The following RIC8B variants were observed in gnomAD, a reference collection of about 807,000 sequenced individuals.
RIC8B encodes the protein RIC8 guanine nucleotide exchange factor B, also known as chaperone Ric-8B.
A neutral mutation model predicts 57.5 loss-of-function variants in RIC8B; 16 were observed. That is an observed-to-expected ratio of 0.28 (90% CI 0.19 to 0.42). The LOEUF is 0.42. Among genes scored for constraint, RIC8B ranks in the 10% least tolerant of loss-of-function variants. RIC8B has a pLI of 1.00. For missense variants in RIC8B, 481 were observed against 677.0 expected, an observed-to-expected ratio of 0.71 and a Z score of 3.21; for synonymous variants, 216 against 250.8, an observed-to-expected ratio of 0.86 and a Z score of 1.31.
Position 106,774,943 on chromosome 12 carries a change from CG to C in RIC8B, c.84+115del, listed in dbSNP as rs1018330786. On this transcript the variant is annotated intron_variant, in intron 1 of 9. Coordinates refer to ENST00000392837, the MANE Select transcript of RIC8B (RefSeq NM_001330145.2). Reference sequence around the variant, plus strand: ...TCCGGGGATGCGCATTGCTCTCCCCCGAAAACGTTTCCGGCTTGGGCATGCG... The same window carrying C: ...TCCGGGGATGCGCATTGCTCTCCCCCAAAACGTTTCCGGCTTGGGCATGCG... 3 of 799,040 alleles carry C rather than the reference CG, an allele frequency of 3.8e-6. No homozygotes were observed. In the African/African-American group the frequency reaches 5.3e-5, roughly 14 times the overall value. 49.5% of individuals were successfully genotyped at this position (799,040 alleles called of 1,614,324 possible).
chr12:106,825,712 T>C lies in RIC8B; in HGVS notation c.742-14T>C. On this transcript the variant is annotated splice_polypyrimidine_tract_variant and intron_variant, in intron 3 of 9. Coordinates refer to ENST00000392837, the MANE Select transcript of RIC8B (RefSeq NM_001330145.2). The stretch of plus-strand genomic sequence containing the variant: ...TCAACCCCCAATGTTTCCTCTCTTT[T>C]TTATTTGCCATAGAGTGATTCTCAT... 4 of 1,606,408 alleles carry C rather than the reference T, an allele frequency of 2.5e-6. No individual in the cohort carries two copies. Among genetic ancestry groups the C allele is most frequent in the Non-Finnish European group, 3.4e-6 (4 of 1,173,154 alleles).
intron 2 of RIC8B, among the ~76,000 whole-genome samples, chr12:106,803,695 T>A (rs998452948): frequency 5.3e-5 from 8 of 152,234 alleles, no homozygotes; most frequent in Non-Finnish European, 7.3e-5. Flanking sequence ...TTTCACCAAC[T>A]CATAGTAAAG....
chr12:106,787,789 G>T (rs546810373), intron 2 of RIC8B, among the ~76,000 whole-genome samples: 2 of 152,142 alleles, frequency 1.3e-5, no homozygotes, highest in South Asian at 4.1e-4. Context: ...CCCACAGTGC[G>T]TGGGAATTAC....
chr12:106,808,253 A>C (rs573850950), intron 2 of RIC8B, among the ~76,000 whole-genome samples: 3 of 152,174 alleles, frequency 2.0e-5, no homozygotes, highest in African/African-American at 7.2e-5. Context: ...TGCAAAGGTT[A>C]TATGCAAGTA....
In RIC8B at chr12:106,860,279, C is replaced by A. The variant is rs1949876060; in HGVS notation, c.1318C>A (p.Leu440Met). Residue 440 changes from leucine (L) to methionine (M), a missense_variant, in exon 8 of 10, where the codon CTG becomes ATG. Physicochemically the swap from Leu to Met is conservative, Grantham distance 15. Transcript: ENST00000392837. ...VLCKERVDSL[L>M]KYTGYGNAAG... ...TTCTGTTTTTGCAGTGGATAGTCTG[C>A]TGAAATACACTGGCTATGGGAATGC... is the stretch of plus-strand genomic sequence containing the variant. The A allele has an allele frequency of 1.3e-6, 2 of 1,588,598 alleles. No homozygotes were observed. Among genetic ancestry groups the A allele is most frequent in the African/African-American group, 1.4e-5 (1 of 73,222 alleles).
At chr12:106,809,892 C>A (rs2045253700) in intron 2 of RIC8B, among the ~76,000 whole-genome samples, 2 of 151,934 alleles carry the variant, frequency 1.3e-5, no homozygotes, top group Non-Finnish European at 2.9e-5. Context: ...TTATTGGTAA[C>A]TGTAATTGAC....
Position 106,887,024 on chromosome 12 carries a change from C to G in RIC8B, c.*1009C>G, listed in dbSNP as rs1173189086. 6.6e-6 allele frequency: 1 copy of G among 152,384 alleles called. No individual in the cohort carries two copies. Among genetic ancestry groups the G allele is most frequent in the Non-Finnish European group, 1.5e-5 (1 of 67,968 alleles). 9.4% of individuals were successfully genotyped at this position (152,384 alleles called of 1,614,324 possible). A position where few individuals can be genotyped will look rare whatever the true frequency, so the allele number is the denominator to read the frequency against. On this transcript the variant is annotated 3_prime_UTR_variant, in exon 10 of 10. Coordinates refer to ENST00000392837, the MANE Select transcript of RIC8B (RefSeq NM_001330145.2). ...ACTTTATTTATTTAAAAAAAAGAAA[C>G]ACAATTAGTTACTGTTAAACTGATA...
chr12:106,870,746 C>T, intron 8 of RIC8B, 77 bp from the exon 9 acceptor site: 1 of 1,218,380 alleles, frequency 8.2e-7, no homozygotes, highest in Middle Eastern at 2.8e-4. Context: ...CTTATTATCA[C>T]TTAAAAGTTG....
Position 106,814,682 on chromosome 12 carries a change from TTC to T in RIC8B, c.133-12_133-11del, listed in dbSNP as rs755553124. ...CCAAATAATGATTTTTGCATACTCG[TTC>T]TTGTTTTTCAGAAACTCTGTGAAGG... On this transcript the variant is annotated splice_polypyrimidine_tract_variant and intron_variant, in intron 2 of 9. Transcript: ENST00000392837. 4.5e-6 allele frequency: 7 copies of T among 1,567,270 alleles called. No individual in the cohort carries two copies. Among genetic ancestry groups the T allele is most frequent in the Non-Finnish European group, 6.0e-6 (7 of 1,159,310 alleles).
At chr12:106,853,571 C>A (rs572984261) in intron 7 of RIC8B, among the ~76,000 whole-genome samples, 1 of 144,914 alleles carries the variant, frequency 6.9e-6, no homozygotes, top group Non-Finnish European at 1.5e-5. Context: ...CAGGTTGAAG[C>A]GATTCTCCTG....
Position 106,886,012 on chromosome 12 carries a change from C to A in RIC8B, c.1680C>A (p.Asp560Glu). 6.3e-7 allele frequency: 1 copy of A among 1,599,252 alleles called. No individual in the cohort carries two copies. Among genetic ancestry groups the A allele is most frequent in the Non-Finnish European group, 8.6e-7 (1 of 1,166,726 alleles). Reference sequence around the variant, plus strand: ...TCGAAGAGACCAGCTCTGACACAGACTAAAAGCATCACCTGCTCAACTCTC... The same window carrying A: ...TCGAAGAGACCAGCTCTGACACAGAATAAAAGCATCACCTGCTCAACTCTC... ...SVIEETSSDTD is the reference protein window; with the variant it reads ...SVIEETSSDTE The change falls in exon 10 of 10, where the codon GAC becomes GAA. Residue 560 changes from aspartate (D) to glutamate (E), a missense_variant. By Grantham distance (45) the Asp-to-Glu change is conservative (BLOSUM62 2). Coordinates refer to ENST00000392837, the MANE Select transcript of RIC8B (RefSeq NM_001330145.2).
At chr12:106,793,733 T>TA (rs1360097004) in intron 2 of RIC8B, among the ~76,000 whole-genome samples, 1 of 152,202 alleles carries the variant, frequency 6.6e-6, no homozygotes, top group Non-Finnish European at 1.5e-5. Context: ...ACTGTGGACA[T>TA]ACCCAATGGT....
chr12:106,877,320 G>A (rs1439253433), intron 9 of RIC8B, among the ~76,000 whole-genome samples: 1 of 152,036 alleles, frequency 6.6e-6, no homozygotes, highest in African/African-American at 2.4e-5. Context: ...TCCAGATTGT[G>A]TGCTATTGTG....
rs1297691007 is a variant in RIC8B at position 106,879,334 on chromosome 12, A to G, written c.1572-6570A>G. 28 of 985,140 alleles carry G rather than the reference A, an allele frequency of 2.8e-5. No individual in the cohort carries two copies. The highest frequency in any genetic ancestry group is 3.1e-5 in the Non-Finnish European group (26 of 829,896). 61.0% of individuals were successfully genotyped at this position (985,140 alleles called of 1,614,324 possible). A position where few individuals can be genotyped will look rare whatever the true frequency, so the allele number is the denominator to read the frequency against. The stretch of plus-strand genomic sequence containing the variant: ...TACACATACACGTCTGACCTATTCT[A>G]TATTGTGCGATTGGGTATGTTAGTA... On this transcript the variant is annotated intron_variant, in intron 9 of 9. Coordinates refer to ENST00000392837, the MANE Select transcript of RIC8B (RefSeq NM_001330145.2). The surrounding 1 kb of genome is among the most constrained non-coding windows in gnomAD (Gnocchi z 4.9).
intron 2 of RIC8B, among the ~76,000 whole-genome samples, chr12:106,805,748 ACT>A (rs1298781425): frequency 6.6e-6 from 1 of 151,636 alleles, no homozygotes; most frequent in Non-Finnish European, 1.5e-5. Flanking sequence ...TTAATTCCAG[ACT>A]CTTCATTCTT....
rs1316699838 is a variant in RIC8B, at chr12:106,788,488, C to G, written c.132+4444C>G. ...CTGCACTGCCCTAGCAGAGGTTCTC[C>G]ATGAGGGCCCCGCCCCTGCAGCAAA... On this transcript the variant is annotated intron_variant, in intron 2 of 9. Transcript: ENST00000392837. 2.0e-5 allele frequency among the ~76,000 whole-genome samples: 3 copies of G among 152,220 alleles called. No individual in the cohort carries two copies. In the East Asian group the frequency reaches 5.8e-4, roughly 29 times the overall value.
intron 8 of RIC8B, among the ~76,000 whole-genome samples, chr12:106,869,169 G>A (rs990982267): frequency 1.3e-5 from 2 of 152,018 alleles, no homozygotes; most frequent in African/African-American, 2.4e-5. Flanking sequence ...TAGGTCTTAC[G>A]CAAGAATGGC....
At chr12:106,780,989 T>C (rs2043738906) in intron 1 of RIC8B, among the ~76,000 whole-genome samples, 1 of 152,212 alleles carries the variant, frequency 6.6e-6, no homozygotes, top group Admixed American at 6.5e-5. Context: ...AAACTCAAGG[T>C]TGTCTGACTC....
chr12:106,822,379 A>G (rs1472042196), intron 3 of RIC8B: 1 of 152,202 alleles, frequency 6.6e-6, no homozygotes, highest in Admixed American at 6.5e-5. Flanking sequence ...TGACATATGG[A>G]TATAACCTGT....
Sources: allele counts gnomAD v4.1 joint callset (sites outside exome capture counted in the v4.1 genomes callset), GRCh38; gene constraint gnomAD v4.1.1; non-coding constraint Gnocchi (gnomAD v3.1); transcripts MANE v1.5; gene names NCBI Gene and HGNC (gene_info 2026-07-23, HGNC 2026-07-21).